MRPL4: variants seen among roughly 807,000 people sequenced by gnomAD.
MRPL4 encodes large ribosomal subunit protein uL4m.
Under a neutral mutation model 34.1 loss-of-function variants are expected in MRPL4, and 34 were observed. The ratio of observed to expected loss-of-function variants is 1.00; its 90% CI spans 0.76 to 1.33. MRPL4 has a LOEUF of 1.33. Ranked by LOEUF, MRPL4 falls within the 40% of genes most tolerant of loss-of-function variation. MRPL4 has a pLI of 0.00. For synonymous variants in MRPL4, 196 were observed against 188.3 expected, an observed-to-expected ratio of 1.04 and a Z score of -0.33; for missense variants, 402 against 434.6, an observed-to-expected ratio of 0.92 and a Z score of 0.67.
rs1568285621 is a variant in MRPL4 at position 10,259,124 on chromosome 19, A to T, written c.739+439A>T. On this transcript the variant is annotated intron_variant, in intron 8 of 8. Coordinates refer to ENST00000253099, the MANE Select transcript of MRPL4 (RefSeq NM_015956.3). The stretch of plus-strand genomic sequence containing the variant: ...AAAAAAAAAAAAAAAAAAAAAAAAA[A>T]AGCTCCAAAGTCACCTCTGTCAAAG... The T allele has an allele frequency of 1.3e-5, 17 of 1,274,824 alleles. No individual in the cohort carries two copies. The South Asian group carries it at 3.5e-4, about 26-fold the overall frequency. The allele number at this position is 1,274,824 out of a possible 1,614,324, so 79.0% of individuals were successfully genotyped here.
At chr19:10,252,077 TG>T (rs2039794146), upstream of MRPL4, 3 of 699,200 alleles carry the variant, frequency 4.3e-6, no homozygotes, top group Admixed American at 3.2e-5. Context: ...GGGTTAGTCC[TG>T]GGGTGGAGGT....
chr19:10,259,759 C>G lies in MRPL4; in HGVS notation c.882C>G (p.Pro294=). 2 of 1,614,058 alleles carry G rather than the reference C, an allele frequency of 1.2e-6. No homozygotes were observed. Among genetic ancestry groups the G allele is most frequent in the South Asian group, 1.1e-5 (1 of 91,088 alleles). Residue 294 remains proline (P), a synonymous_variant, in exon 9 of 9, where the codon CCC becomes CCG. Coordinates refer to ENST00000253099, the MANE Select transcript of MRPL4 (RefSeq NM_015956.3). Reference sequence around the variant, plus strand: ...TCAGCCTGCCCTACAGCGACTTCCCCCGACCCCTACCCCACGCTACCCAGG... The same window carrying G: ...TCAGCCTGCCCTACAGCGACTTCCCGCGACCCCTACCCCACGCTACCCAGG... ...YPFSLPYSDF[P]RPLPHATQGP... is the part of the protein sequence containing the mutation.
intron 3 of MRPL4, 197 bp downstream of exon 3, chr19:10,252,898 T>A (rs2039808922): frequency 2.5e-6 from 2 of 796,942 alleles, no homozygotes; most frequent in Non-Finnish European, 3.8e-6. Context: ...AGAGGTGACA[T>A]CATCTAAGGG....
Position 10,258,451 on chromosome 19 carries a change from C to A in MRPL4, c.591C>A (p.Thr197=). 1 of 1,614,072 alleles carries A rather than the reference C, an allele frequency of 6.2e-7. No individual in the cohort carries two copies. Among genetic ancestry groups the A allele is most frequent in the South Asian group, 1.1e-5 (1 of 91,070 alleles). ...TCATGGACTCCCTAGAGCTGCCCAC[C>A]GGAGACCCACAGTACCTGACAGAGC... ...LHIMDSLELP[T]GDPQYLTELA... is the part of the protein sequence containing the mutation. Residue 197 remains threonine, a synonymous_variant, in exon 7 of 9, where the codon ACC becomes ACA. Transcript: ENST00000253099.
chr19:10,258,154 T>C (rs2039868865), intron 5 of MRPL4, 68 bp from the exon 6 acceptor site: 8 of 1,139,548 alleles, frequency 7.0e-6, no homozygotes, highest in Non-Finnish European at 1.0e-5. Context: ...TGCCAGCCAC[T>C]GCAGCAGATT....
At chr19:10,254,053 T>C (rs1205229280) in intron 3 of MRPL4, among the ~76,000 whole-genome samples, 1 of 152,084 alleles carries the variant, frequency 6.6e-6, no homozygotes, top group African/African-American at 2.4e-5. Context: ...AGTTTCGCTC[T>C]TGTCGCCCAG....
At position 10,258,288 on chromosome 19, in the gene MRPL4, C is replaced by A. The variant is rs144157141; in HGVS notation, c.512C>A (p.Ala171Glu). Residue 171 changes from alanine to glutamate, a missense_variant, in exon 6 of 9, where the codon GCG (alanine) becomes GAG (glutamate). By Grantham distance (107) the Ala-to-Glu change is moderately radical. Transcript: ENST00000253099. The part of the protein sequence containing the change: ...YYYMLPMKVR[A>E]LGLKVALTVK... ...TACATGCTGCCCATGAAGGTGCGGG[C>A]GCTGGGTCTCAAAGTGGCACTGACC... The A allele has an allele frequency of 1.9e-6, 3 of 1,614,004 alleles. No homozygotes were observed. The highest frequency in any genetic ancestry group is 1.1e-5 in the South Asian group (1 of 91,086).
In MRPL4 at chr19:10,256,741, C is replaced by T. The variant is rs1215912278; in HGVS notation, c.361C>T (p.Arg121Trp). The change falls in exon 5 of 9, where the codon CGG (arginine) becomes TGG (tryptophan). Residue 121 changes from arginine (R) to tryptophan (W), a missense_variant. Arg to Trp is a moderately radical substitution (Grantham distance 101, BLOSUM62 -3). Transcript: ENST00000253099. ...CAAGACCAAGACGAGAGCCGAGGTG[C>T]GGGGCGGTGGCCGGAAGCCTTGGCC... is the stretch of plus-strand genomic sequence containing the variant. ...YAKTKTRAEV[R>W]GGGRKPWPQK... 6.5e-5 allele frequency: 104 copies of T among 1,588,806 alleles called. No individual in the cohort carries two copies. Among genetic ancestry groups the T allele is most frequent in the East Asian group, 1.2e-4 (5 of 41,942 alleles).
rs533697542 is a variant in MRPL4 at position 10,253,775 on chromosome 19, G to A, written c.276-814G>A. Among the ~76,000 whole-genome samples the A allele has an allele frequency of 4.5e-3, 653 of 145,350 alleles. 3 individuals carry two copies. Among genetic ancestry groups the A allele is most frequent in the African/African-American group, 0.016 (625 of 38,832 alleles). On this transcript the variant is annotated intron_variant, in intron 3 of 8. Transcript: ENST00000253099. ...CTACTGCACTCCAGCCTGGGCGACA[G>A]AGACAGACTCCATCTCAAAAAAAAA...
chr19:10,255,594 G>C (rs911108802), intron 4 of MRPL4: 1 of 152,798 alleles, frequency 6.5e-6, no homozygotes. Flanking sequence ...TGGGAGCAGT[G>C]GGGAGGAGTC....
In MRPL4 at chr19:10,258,422, C is replaced by T. The variant is rs2039872387; in HGVS notation, c.562C>T (p.His188Tyr). 1 of 1,614,094 alleles carries T rather than the reference C, an allele frequency of 6.2e-7. No individual in the cohort carries two copies. The highest frequency in any genetic ancestry group is 8.5e-7 in the Non-Finnish European group (1 of 1,180,010). The change falls in exon 7 of 9, where the codon CAC (histidine) becomes TAC (tyrosine). Residue 188 changes from histidine to tyrosine, a missense_variant. His to Tyr is a moderately conservative substitution (Grantham distance 83, BLOSUM62 2). Transcript: ENST00000253099. The part of the protein sequence containing the change: ...LTVKLAQDDL[H>Y]IMDSLELPTG... ...CCTTTCCTTCCACCAGGACGACCTG[C>T]ACATCATGGACTCCCTAGAGCTGCC...
chr19:10,256,241 G>A (rs895423458), intron 4 of MRPL4, among the ~76,000 whole-genome samples: 5 of 151,834 alleles, frequency 3.3e-5, no homozygotes, highest in Middle Eastern at 3.4e-3. Flanking sequence ...AGCCGAGATC[G>A]CGCCACTGCA....
intron 7 of MRPL4, 35 bp downstream of exon 7, chr19:10,258,557 C>T (rs563617553): frequency 1.9e-6 from 3 of 1,614,108 alleles, no homozygotes; most frequent in Middle Eastern, 1.6e-4. Context: ...GCAGGGGGCC[C>T]TGAGCTCCGT....
upstream of MRPL4, chr19:10,252,068 G>A (rs1427374820): frequency 1.9e-5 from 12 of 642,276 alleles, no homozygotes; most frequent in Non-Finnish European, 2.8e-5. Flanking sequence ...TGGGTCTGGG[G>A]GTTAGTCCTG....
At chr19:10,252,023 G>C (rs1158203052), upstream of MRPL4, 3 of 547,728 alleles carry the variant, frequency 5.5e-6, no homozygotes, top group Non-Finnish European at 9.4e-6. Flanking sequence ...GCGTTCCCCA[G>C]TGTTACGGAG....
rs767248666 is a variant in MRPL4 at position 10,252,231 on chromosome 19, G to A, written c.-23G>A. ...GAGGCTCCAGTGGCCTTGACCTCCC[G>A]CGGCGTGGGAGGCTGCGCGGCGATG... On this transcript the variant is annotated 5_prime_UTR_variant, in exon 1 of 9. Coordinates refer to ENST00000253099, the MANE Select transcript of MRPL4 (RefSeq NM_015956.3). 1 of 1,587,184 alleles carries A rather than the reference G, an allele frequency of 6.3e-7. No individual in the cohort carries two copies. The highest frequency in any genetic ancestry group is 8.5e-7 in the Non-Finnish European group (1 of 1,169,666).
In MRPL4 at chr19:10,256,819, C is replaced by T. The variant is rs780575663; in HGVS notation, c.439C>T (p.Arg147Ter). 59 of 1,025,542 alleles carry T rather than the reference C, an allele frequency of 5.8e-5. No homozygotes were observed. The highest frequency in any genetic ancestry group is 8.6e-5 in the East Asian group (1 of 11,634). 63.5% of individuals were successfully genotyped at this position (1,025,542 alleles called of 1,614,324 possible). The change falls in exon 5 of 9, where the codon CGA becomes TGA. Residue 147 changes from arginine (R) to a stop codon, truncating the protein, a stop_gained. Transcript: ENST00000253099. LOFTEE classifies it high-confidence loss of function. Reference sequence around the variant, plus strand: ...TGGCAGCATCCGCTCTCCGCTCTGGCGAGGAGGTAACAGGACAGGGTGGAG... The same window carrying T: ...TGGCAGCATCCGCTCTCCGCTCTGGTGAGGAGGTAACAGGACAGGGTGGAG... ...RHGSIRSPLW[R>*]GGGVAHGPRG... is the part of the protein sequence containing the mutation.
Position 10,252,669 on chromosome 19 carries a change from C to G in MRPL4, c.243C>G (p.Asp81Glu), listed in dbSNP as rs374374421. The part of the protein sequence containing the change: ...GFEQERVGLA[D>E]LHPDVFATAP... ...AGCAGGAGCGCGTGGGCCTGGCCGA[C>G]CTGCACCCCGATGTTTTCGCCACCG... is the stretch of plus-strand genomic sequence containing the variant. Residue 81 changes from aspartate to glutamate, a missense_variant, in exon 3 of 9, where the codon GAC becomes GAG. By Grantham distance (45) the Asp-to-Glu change is conservative (BLOSUM62 2). Coordinates refer to ENST00000253099, the MANE Select transcript of MRPL4 (RefSeq NM_015956.3). 1.2e-6 allele frequency: 2 copies of G among 1,605,750 alleles called. No homozygotes were observed. The highest frequency in any genetic ancestry group is 1.7e-6 in the Non-Finnish European group (2 of 1,179,762).
At chr19:10,254,324 CTCTT>C (rs764683538) in intron 3 of MRPL4, among the ~76,000 whole-genome samples, 126 of 152,318 alleles carry the variant, frequency 8.3e-4, no homozygotes, top group Non-Finnish European at 1.6e-3. Context: ...GTCAGGGTGG[CTCTT>C]TCTTTAGAAG....
Sources: gnomAD v4.1 joint callset for allele counts (sites outside exome capture counted in the v4.1 genomes callset) on GRCh38, gnomAD v4.1.1 for gene constraint, MANE v1.5 for transcripts, NCBI Gene and HGNC (gene_info 2026-07-23, HGNC 2026-07-21) for gene names.